SBNO1: variants seen among roughly 807,000 people sequenced by gnomAD.
The protein encoded by SBNO1 is strawberry notch homolog 1, also known as protein strawberry notch homolog 1.
SBNO1 carries 23 observed loss-of-function variants against 173.6 expected under a neutral mutation model. The observed-to-expected ratio is 0.13, with a 90% CI of 0.10 to 0.19. The LOEUF (loss-of-function observed/expected upper bound fraction) is 0.19, where lower values mean the gene tolerates loss of function less well. Ranked by LOEUF, SBNO1 falls within the 10% of genes least tolerant of loss-of-function variation. The pLI, the probability that SBNO1 is intolerant of heterozygous loss-of-function variation, is 1.00. For synonymous variants in SBNO1, 632 were observed against 571.5 expected, an observed-to-expected ratio of 1.11 and a Z score of -1.51; for missense variants, 1,238 against 1,671.2, an observed-to-expected ratio of 0.74 and a Z score of 4.52.
At chr12:123,311,508 G>GAGGC (rs2138924684) in intron 24 of SBNO1, among the ~76,000 whole-genome samples, 1 of 151,922 alleles carries the variant, frequency 6.6e-6, no homozygotes, top group East Asian at 1.9e-4. Context: ...TGAGTAGCTG[G>GAGGC]GACTACAGGC....
At chr12:123,317,106 G>A (rs951227863) in intron 21 of SBNO1, 115 bp downstream of exon 21, 1 of 1,079,222 alleles carries the variant, frequency 9.3e-7, no homozygotes, top group Admixed American at 2.0e-5. Context: ...CCGAAATGTT[G>A]GAATTACAGG....
At chr12:123,338,135 A>T (rs889962698) in intron 5 of SBNO1, among the ~76,000 whole-genome samples, 2 of 152,330 alleles carry the variant, frequency 1.3e-5, no homozygotes, top group African/African-American at 4.8e-5. Flanking sequence ...AAATCTTCCT[A>T]GATGGGGAAC....
intron 3 of SBNO1, among the ~76,000 whole-genome samples, 171 bp from the exon 4 acceptor site, chr12:123,345,741 C>T (rs1482452458): frequency 6.6e-6 from 1 of 151,968 alleles, no homozygotes; most frequent in African/African-American, 2.4e-5. Context: ...GCGATCATAG[C>T]TCACTGCAGC....
intron 1 of SBNO1, 122 bp from the exon 2 acceptor site, chr12:123,350,563 C>A: frequency 2.6e-6 from 2 of 766,782 alleles, no homozygotes; most frequent in Non-Finnish European, 4.4e-6. Context: ...TAATGAAGAA[C>A]CTGCCATGTC....
chr12:123,363,519 G>GA (rs1207677689), intron 1 of SBNO1, among the ~76,000 whole-genome samples: 5 of 152,118 alleles, frequency 3.3e-5, no homozygotes, highest in Admixed American at 2.6e-4. Context: ...TAGAATATAT[G>GA]AAACATTTAA....
At chr12:123,334,710 A>AAAT (rs1871630339) in intron 6 of SBNO1, among the ~76,000 whole-genome samples, 1 of 151,994 alleles carries the variant, frequency 6.6e-6, no homozygotes, top group African/African-American at 2.4e-5. Flanking sequence ...TCTGTCTCAA[A>AAAT]AAATAAATAA....
At chr12:123,362,435 CAAAAAAAAAAAAAAAAAAAA>C (rs56019572) in intron 1 of SBNO1, among the ~76,000 whole-genome samples, 10 of 49,738 alleles carry the variant, frequency 2.0e-4, no homozygotes, top group East Asian at 9.0e-4. Context: ...GACTCCGTCT[CAAAAAAAAAAAAAAAAAAAA>C]AAAAAAAAAA....
At chr12:123,346,398 C>T (rs915400558) in intron 3 of SBNO1, among the ~76,000 whole-genome samples, 3 of 152,234 alleles carry the variant, frequency 2.0e-5, no homozygotes, top group African/African-American at 7.2e-5. Context: ...GGCGCGGTGG[C>T]TCACACTTGT....
In SBNO1 at chr12:123,309,415, C is replaced by A; in HGVS notation, c.3538-13G>T. The A allele has an allele frequency of 6.2e-7, 1 of 1,611,412 alleles. No homozygotes were observed. On this transcript the variant is annotated splice_polypyrimidine_tract_variant and intron_variant, in intron 27 of 31. Coordinates refer to ENST00000602398, the MANE Select transcript of SBNO1 (RefSeq NM_001167856.3). ...TCTCTACACTAATCTGTAAGAGAAA[C>A]AACGAAATTTAAACTCATTTCTGTA... is the stretch of plus-strand genomic sequence containing the variant.
chr12:123,335,118 T>C (rs1049200329), intron 6 of SBNO1, among the ~76,000 whole-genome samples: 3 of 152,148 alleles, frequency 2.0e-5, no homozygotes, highest in African/African-American at 7.2e-5. Context: ...TTGAGCCTTG[T>C]AGGCTAAGGC....
At chr12:123,347,978 C>G (rs746034942) in intron 3 of SBNO1, 51 bp downstream of exon 3, 8 of 1,184,014 alleles carry the variant, frequency 6.8e-6, no homozygotes, top group Non-Finnish European at 1.0e-5. Context: ...TGTTTTCTCA[C>G]TACACTTCTA....
rs748058335 is a variant in SBNO1, at chr12:123,295,815, T to TATA, written c.*90_*92dup. On this transcript the variant is annotated 3_prime_UTR_variant, in exon 32 of 32. Transcript: ENST00000602398. ...AACTAGAGAGCACAACTGAAAAAAATATATAATTCTTTGGAAACTGTCCCT... is the reference window on the plus strand; with the variant it reads ...AACTAGAGAGCACAACTGAAAAAAATATAATATAATTCTTTGGAAACTGTCCCT... 1.9e-4 allele frequency: 288 copies of TATA among 1,505,494 alleles called. No individual in the cohort carries two copies. Among genetic ancestry groups the TATA allele is most frequent in the Non-Finnish European group, 2.5e-4 (281 of 1,119,102 alleles). The allele number at this position is 1,505,494 out of a possible 1,614,324, so 93.3% of individuals were successfully genotyped here. A position where few individuals can be genotyped will look rare whatever the true frequency, so the allele number is the denominator to read the frequency against.
At position 123,294,567 on chromosome 12, in the gene SBNO1, T is replaced by C. The variant is rs984849461; in HGVS notation, c.*1341A>G. 1.4e-5 allele frequency: 2 copies of C among 146,988 alleles called. No homozygotes were observed. The highest frequency in any genetic ancestry group is 7.6e-5 in the Admixed American group (1 of 13,122). 9.1% of individuals were successfully genotyped at this position (146,988 alleles called of 1,614,324 possible). ...CTTTTTATTTGACATCTACAAGATT[T>C]TGGCATCTTGCAGCTTTTTACCAGG... On this transcript the variant is annotated 3_prime_UTR_variant, in exon 32 of 32. Transcript: ENST00000602398.
In SBNO1 at chr12:123,293,522, G is replaced by C. The variant is rs1399057628; in HGVS notation, c.*2386C>G. The C allele has an allele frequency of 1.3e-5, 2 of 152,088 alleles. No homozygotes were observed. The highest frequency in any genetic ancestry group is 2.4e-5 in the African/African-American group (1 of 41,406). 9.4% of individuals were successfully genotyped at this position (152,088 alleles called of 1,614,324 possible). ...CTGGGTGCTGCACACACCATGACCA[G>C]CCTGGGCATGCAGCACCCCAGCTCC... On this transcript the variant is annotated 3_prime_UTR_variant, in exon 32 of 32. Transcript: ENST00000602398.
chr12:123,345,415 G>T lies in SBNO1; in HGVS notation c.393C>A (p.Arg131=), dbSNP rs767092243. The change falls in exon 4 of 32, where the codon CGC becomes CGA. Residue 131 remains arginine, a synonymous_variant. Coordinates refer to ENST00000602398, the MANE Select transcript of SBNO1 (RefSeq NM_001167856.3). ...TKFIQTTAST[R]PSVSAPTVRN... ...GTACTGTTGGTGCTGAGACTGACGG[G>T]CGTGTGCTTGCAGTAGTCTGGATAA... 7 of 1,614,152 alleles carry T rather than the reference G, an allele frequency of 4.3e-6. No homozygotes were observed. The Admixed American group carries it at 1.2e-4, about 27-fold the overall frequency.
At chr12:123,326,545 G>A (rs1463086166) in intron 13 of SBNO1, among the ~76,000 whole-genome samples, 15 of 152,138 alleles carry the variant, frequency 9.9e-5, no homozygotes, top group Non-Finnish European at 1.6e-4. Flanking sequence ...AAAATAATGT[G>A]ATTTTAAGAA....
intron 24 of SBNO1, among the ~76,000 whole-genome samples, chr12:123,313,077 C>T (rs1288381379): frequency 6.6e-6 from 1 of 151,714 alleles, no homozygotes; most frequent in Non-Finnish European, 1.5e-5. Context: ...GTGGCATGTG[C>T]CTGTAATCTC....
intron 30 of SBNO1, among the ~76,000 whole-genome samples, chr12:123,301,855 G>C (rs1010830132): frequency 1.3e-5 from 2 of 152,058 alleles, no homozygotes; most frequent in Non-Finnish European, 2.9e-5. Context: ...CTCCAGCCTA[G>C]GTGATATAGG....
chr12:123,296,038 G>A lies in SBNO1; in HGVS notation c.4052C>T (p.Pro1351Leu), dbSNP rs145112542. The A allele has an allele frequency of 4.8e-4, 776 of 1,612,042 alleles. 2 individuals are homozygous for A. Among genetic ancestry groups the A allele is most frequent in the Non-Finnish European group, 6.1e-4 (714 of 1,178,178 alleles). The change falls in exon 32 of 32, where the codon CCG (proline) becomes CTG (leucine). Residue 1351 changes from proline (P) to leucine (L), a missense_variant. Pro to Leu is a moderately conservative substitution (Grantham distance 98). This residue lies in a region of SBNO1 where 351 missense variants were observed against 420.3 expected (regional missense o/e 0.84). Transcript: ENST00000602398. ...DGQRIVGLII[P>L]ANCVSPLVNL... ...TACAAGAGGAGACACACAATTTGCCGGAATGATCAAACCTGTAATTAGTAA... is the reference window on the plus strand; with the variant it reads ...TACAAGAGGAGACACACAATTTGCCAGAATGATCAAACCTGTAATTAGTAA...
Sources: gnomAD v4.1 joint callset for allele counts (sites outside exome capture counted in the v4.1 genomes callset) on GRCh38, gnomAD v4.1.1 for gene constraint, gnomAD v4.1.1 regional missense constraint, MANE v1.5 for transcripts, NCBI Gene and HGNC (gene_info 2026-07-23, HGNC 2026-07-21) for gene names.